ALMS1: variants seen among roughly 807,000 people sequenced by gnomAD.
ALMS1 encodes centrosome-associated protein ALMS1.
Under a neutral mutation model 352.2 loss-of-function variants are expected in ALMS1, and 271 were observed. The ratio of observed to expected loss-of-function variants is 0.77; its 90% confidence interval spans 0.70 to 0.85. ALMS1 has a LOEUF of 0.85. ALMS1 is among the 40% of genes least tolerant of loss of function. The pLI is 0.00. For missense variants in ALMS1, 5,445 were observed against 4,870.7 expected, an observed-to-expected ratio of 1.12 and a Z score of -3.51; for synonymous variants, 1,865 against 1,761.2, an observed-to-expected ratio of 1.06 and a Z score of -1.48.
chr2:73,528,966 G>T (rs551640042), intron 11 of ALMS1, among the ~76,000 whole-genome samples: 3 of 138,420 alleles, frequency 2.2e-5, no homozygotes, highest in Non-Finnish European at 4.8e-5. Context: ...CAGTCTTTTT[G>T]TTAAATTTGT....
At chr2:73,400,671 C>T (rs952330460) in intron 1 of ALMS1, among the ~76,000 whole-genome samples, 1 of 152,124 alleles carries the variant, frequency 6.6e-6, no homozygotes, top group African/African-American at 2.4e-5. Context: ...GACAGATTAT[C>T]TTTTTTAAGA....
intron 6 of ALMS1, among the ~76,000 whole-genome samples, chr2:73,431,191 T>C (rs1207489360): frequency 6.6e-6 from 1 of 152,138 alleles, no homozygotes. Flanking sequence ...TTCCAGGCAT[T>C]GTCAAATGTC....
At chr2:73,408,862 G>GTTTTT in intron 2 of ALMS1, 115 bp downstream of exon 2, 3 of 177,824 alleles carry the variant, frequency 1.7e-5, no homozygotes, top group Admixed American at 9.1e-5. Context: ...ATGTTTTCTT[G>GTTTTT]TCTTTTTTTT....
In ALMS1 at chr2:73,525,698, T is replaced by C. The variant is rs111617600; in HGVS notation, c.9781+5682T>C. ...GGCTACTAATCCCTTGTCAGATGGA[T>C]AGTTTGCAAATGTTTCCTCCTATTC... is the stretch of plus-strand genomic sequence containing the variant. On this transcript the variant is annotated intron_variant, in intron 11 of 22. Transcript: ENST00000613296. Among the ~76,000 whole-genome samples the C allele has an allele frequency of 8.2e-3, 1,250 of 152,328 alleles. 14 individuals are homozygous for C. Among genetic ancestry groups the C allele is most frequent in the African/African-American group, 0.029 (1,196 of 41,582 alleles).
At chr2:73,460,507 G>T (rs1424983589) in intron 9 of ALMS1, among the ~76,000 whole-genome samples, 1 of 152,232 alleles carries the variant, frequency 6.6e-6, no homozygotes, top group African/African-American at 2.4e-5. Context: ...AGCTCCCAGT[G>T]TGAGCAACGC....
chr2:73,529,981 C>T (rs1673874020), intron 11 of ALMS1, among the ~76,000 whole-genome samples: 1 of 152,162 alleles, frequency 6.6e-6, no homozygotes, highest in Admixed American at 6.5e-5. Context: ...CCAATCACCT[C>T]CCACCAGGTC....
chr2:73,481,675 C>T (rs1320702001), intron 9 of ALMS1, among the ~76,000 whole-genome samples: 1 of 150,602 alleles, frequency 6.6e-6, no homozygotes, highest in East Asian at 1.9e-4. Flanking sequence ...GGCCGTATGG[C>T]CATTTTCACG....
At chr2:73,470,046 T>C (rs1366346677) in intron 9 of ALMS1, 4 of 151,854 alleles carry the variant, frequency 2.6e-5, no homozygotes, top group Non-Finnish European at 5.9e-5. Flanking sequence ...TGCATCAGTG[T>C]GATGTCTCCA....
chr2:73,510,607 C>T (rs551272983), intron 10 of ALMS1, among the ~76,000 whole-genome samples: 13 of 152,290 alleles, frequency 8.5e-5, no homozygotes, highest in East Asian at 1.9e-4. Flanking sequence ...GAGGGGCACC[C>T]GCCAGATGCC....
intron 4 of ALMS1, 124 bp from the exon 5 acceptor site, chr2:73,424,306 G>C: frequency 3.1e-6 from 2 of 651,502 alleles, no homozygotes; most frequent in East Asian, 6.0e-5. Context: ...TAGGAGAGCT[G>C]TGTTTTTCAA....
chr2:73,448,334 G>A lies in ALMS1; in HGVS notation c.1807G>A (p.Ala603Thr), dbSNP rs745501026. Residue 603 changes from alanine to threonine, a missense_variant, in exon 8 of 23, where the codon GCT becomes ACT. Transcript: ENST00000613296. ...HLTEEALKVS[A>T]APGLADQTTG... ...AACTGAAGAGGCTTTGAAAGTTTCA[G>A]CTGCTCCTGGACTAGCTGACCAGAC... The A allele has an allele frequency of 2.5e-6, 4 of 1,613,972 alleles. No individual in the cohort carries two copies. The South Asian group carries it at 3.3e-5, about 13-fold the overall frequency.
intron 7 of ALMS1, among the ~76,000 whole-genome samples, chr2:73,437,808 A>C: frequency 6.6e-6 from 1 of 152,136 alleles, no homozygotes; most frequent in Admixed American, 6.5e-5. Context: ...TATGCCCTCT[A>C]CTCAGTGGAG....
At chr2:73,428,121 CTG>C (rs929486236) in intron 6 of ALMS1, among the ~76,000 whole-genome samples, 11 of 152,026 alleles carry the variant, frequency 7.2e-5, no homozygotes, top group Non-Finnish European at 1.3e-4. Flanking sequence ...AATCTGATAA[CTG>C]GGGATGAAAA....
chr2:73,456,580 A>G (rs1297511923), intron 9 of ALMS1, among the ~76,000 whole-genome samples: 6 of 152,184 alleles, frequency 3.9e-5, no homozygotes, highest in Non-Finnish European at 8.8e-5. Context: ...TGATATAGCT[A>G]TCATGCAAGG....
At chr2:73,574,246 G>A (rs1370083500) in intron 16 of ALMS1, among the ~76,000 whole-genome samples, 1 of 152,144 alleles carries the variant, frequency 6.6e-6, no homozygotes, top group African/African-American at 2.4e-5. Context: ...TTAGTTTAGG[G>A]TGTTAATAAG....
chr2:73,572,965 G>A lies in ALMS1; in HGVS notation c.11088G>A (p.Lys3696=), dbSNP rs374003791. The change falls in exon 16 of 23, where the codon AAG becomes AAA. Residue 3696 remains lysine (K), a synonymous_variant. Transcript: ENST00000613296. ...HKNTGELKKS[K]VLSHHRAGRS... ...ATACAGGCGAGCTTAAAAAAAGCAA[G>A]GTGCTTTCTCATCATCGAGCTGGGA... The A allele has an allele frequency of 6.2e-7, 1 of 1,613,938 alleles. No individual in the cohort carries two copies. Among genetic ancestry groups the A allele is most frequent in the African/African-American group, 1.3e-5 (1 of 74,910 alleles).
chr2:73,466,258 G>C (rs1269581515), intron 9 of ALMS1, among the ~76,000 whole-genome samples: 1 of 151,946 alleles, frequency 6.6e-6, no homozygotes, highest in Non-Finnish European at 1.5e-5. Context: ...TGATAGACTG[G>C]ATTAAGAAAA....
At chr2:73,522,565 G>T (rs1194703229) in intron 11 of ALMS1, among the ~76,000 whole-genome samples, 1 of 149,060 alleles carries the variant, frequency 6.7e-6, no homozygotes, top group African/African-American at 2.5e-5. Flanking sequence ...CATCTTCCGG[G>T]TTCAAGGATT....
intron 1 of ALMS1, among the ~76,000 whole-genome samples, chr2:73,399,703 GA>G (rs1670832840): frequency 6.6e-6 from 1 of 152,062 alleles, no homozygotes; most frequent in African/African-American, 2.4e-5. Flanking sequence ...TCATATCAGA[GA>G]GGGAATCCTT....
Sources: allele counts gnomAD v4.1 joint callset (sites outside exome capture counted in the v4.1 genomes callset), GRCh38; gene constraint gnomAD v4.1.1; transcripts MANE v1.5; gene names NCBI Gene and HGNC (gene_info 2026-07-23, HGNC 2026-07-21).